CPNE3: variants seen among roughly 807,000 people sequenced by gnomAD.
CPNE3 encodes the protein copine-3.
A neutral mutation model predicts 63.9 loss-of-function variants in CPNE3; 68 were observed. The observed-to-expected ratio is 1.06, with a 90% CI of 0.87 to 1.30. The LOEUF (loss-of-function observed/expected upper bound fraction) is 1.30, where lower values mean the gene tolerates loss of function less well. Ranked by LOEUF, CPNE3 falls within the 50% of genes most tolerant of loss-of-function variation. The pLI, the probability that CPNE3 is intolerant of heterozygous loss-of-function variation, is 0.00. For synonymous variants in CPNE3, 219 were observed against 197.5 expected (o/e 1.11, Z -0.91); for missense variants, 665 against 578.1 (o/e 1.15, Z -1.54).
intron 6 of CPNE3, among the ~76,000 whole-genome samples, chr8:86,533,040 C>T (rs756872362): frequency 9.3e-5 from 14 of 149,808 alleles, no homozygotes; most frequent in Non-Finnish European, 1.8e-4. Flanking sequence ...ATCTATCTAT[C>T]TATCTATCTA....
At chr8:86,532,704 A>G in intron 6 of CPNE3, 124 bp downstream of exon 6, 1 of 782,300 alleles carries the variant, frequency 1.3e-6, no homozygotes, top group Non-Finnish European at 2.1e-6. Flanking sequence ...GTTACTTTCA[A>G]ATTTTGCATG....
chr8:86,551,768 T>G (rs1031065685), intron 14 of CPNE3, among the ~76,000 whole-genome samples: 1 of 152,192 alleles, frequency 6.6e-6, no homozygotes, highest in Admixed American at 6.5e-5. Flanking sequence ...TATAGCAGCT[T>G]TCCTCTGTGT....
intron 12 of CPNE3, 47 bp downstream of exon 12, chr8:86,548,481 C>G: frequency 1.2e-6 from 2 of 1,610,474 alleles, no homozygotes. Context: ...TCACAATTCC[C>G]CAGAAAGGGT....
intron 12 of CPNE3, 31 bp from the exon 13 acceptor site, chr8:86,551,015 A>G (rs1385574656): frequency 7.9e-6 from 12 of 1,522,076 alleles, no homozygotes; most frequent in African/African-American, 7.0e-5. Flanking sequence ...TGGAAAAAAC[A>G]GTATTTTATT....
Position 86,558,831 on chromosome 8 carries a change from C to G in CPNE3, c.*421C>G. 5.8e-6 allele frequency: 1 copy of G among 171,026 alleles called. No individual in the cohort carries two copies. The highest frequency in any genetic ancestry group is 1.3e-5 in the Non-Finnish European group (1 of 77,800). The allele number at this position is 171,026 out of a possible 1,614,324, so 10.6% of individuals were successfully genotyped here. On this transcript the variant is annotated 3_prime_UTR_variant, in exon 17 of 17. Coordinates refer to ENST00000517490, the MANE Select transcript of CPNE3 (RefSeq NM_003909.5). Reference sequence around the variant, plus strand: ...ATGTTGTATAAGCCAATGTCCATACCTGATTATGAGAGCTTCTTAAATTAT... The same window carrying G: ...ATGTTGTATAAGCCAATGTCCATACGTGATTATGAGAGCTTCTTAAATTAT...
At chr8:86,536,853 T>C (rs1451770805) in intron 6 of CPNE3, among the ~76,000 whole-genome samples, 1 of 152,220 alleles carries the variant, frequency 6.6e-6, no homozygotes, top group Non-Finnish European at 1.5e-5. Flanking sequence ...TGTATGTGTG[T>C]GGTTATGTGT....
In CPNE3 at chr8:86,558,333, C is replaced by T. The variant is rs1214628482; in HGVS notation, c.1537C>T (p.Gln513Ter). 1 of 872,942 alleles carries T rather than the reference C, an allele frequency of 1.1e-6. No homozygotes were observed. The highest frequency in any genetic ancestry group is 2.4e-5 in the East Asian group (1 of 41,688). 54.1% of individuals were successfully genotyped at this position (872,942 alleles called of 1,614,324 possible). A position where few individuals can be genotyped will look rare whatever the true frequency, so the allele number is the denominator to read the frequency against. The change falls in exon 17 of 17, where the codon CAG becomes TAG. Residue 513 changes from glutamine to a stop codon, truncating the protein, a stop_gained. Transcript: ENST00000517490. LOFTEE classifies it high-confidence loss of function. ...TCAGTGTGTCTTGGCAGAGATTCCC[C>T]AGCAGGTGGTGGGCTACTTCAATAC... ...LAQCVLAEIP[Q>*]QVVGYFNTYK...
intron 12 of CPNE3, 191 bp from the exon 13 acceptor site, chr8:86,550,855 G>A: frequency 1.8e-6 from 1 of 565,248 alleles, no homozygotes; most frequent in African/African-American, 1.9e-5. Context: ...TTCTTCCTCA[G>A]TGCACAGAAA....
At chr8:86,520,662 CTTT>C (rs113992927) in intron 2 of CPNE3, among the ~76,000 whole-genome samples, 2 of 139,980 alleles carry the variant, frequency 1.4e-5, no homozygotes. Context: ...CCAGGCATTT[CTTT>C]TTTTTTTTTT....
intron 7 of CPNE3, among the ~76,000 whole-genome samples, 172 bp downstream of exon 7, chr8:86,537,818 C>T (rs185008122): frequency 5.5e-4 from 83 of 152,130 alleles, no homozygotes; most frequent in South Asian, 1.7e-3. Flanking sequence ...GAGGTGCTAC[C>T]GTACTTTATG....
At chr8:86,521,347 T>C (rs904369624) in intron 2 of CPNE3, among the ~76,000 whole-genome samples, 1 of 152,226 alleles carries the variant, frequency 6.6e-6, no homozygotes, top group African/African-American at 2.4e-5. Context: ...GCTTTTGTTA[T>C]TCTGGTTACG....
chr8:86,544,352 T>A (rs1821004068), intron 8 of CPNE3, among the ~76,000 whole-genome samples: 1 of 152,236 alleles, frequency 6.6e-6, no homozygotes, highest in Non-Finnish European at 1.5e-5. Flanking sequence ...TTTCTCCATA[T>A]AATGGCTTTT....
chr8:86,546,816 A>G (rs992763317), intron 10 of CPNE3, 135 bp downstream of exon 10: 12 of 875,948 alleles, frequency 1.4e-5, no homozygotes, highest in Non-Finnish European at 1.9e-5. Flanking sequence ...GGTTCAAGCA[A>G]TTCTCTGCCT....
At chr8:86,557,021 A>G (rs374835154) in intron 16 of CPNE3, among the ~76,000 whole-genome samples, 25 of 152,180 alleles carry the variant, frequency 1.6e-4, no homozygotes, top group Admixed American at 9.8e-4. Context: ...ATTCCATGGT[A>G]TGGATGCACC....
intron 4 of CPNE3, among the ~76,000 whole-genome samples, chr8:86,529,918 G>T (rs1329200272): frequency 6.6e-6 from 1 of 151,932 alleles, no homozygotes; most frequent in Non-Finnish European, 1.5e-5. Context: ...TATCTCAAAA[G>T]CAATATGAAA....
chr8:86,518,853 A>G (rs188364855), intron 2 of CPNE3, among the ~76,000 whole-genome samples: 6 of 151,956 alleles, frequency 3.9e-5, no homozygotes, highest in Admixed American at 1.3e-4. Flanking sequence ...GCTCACTGCA[A>G]CCTCCACCTC....
chr8:86,529,786 T>G (rs995442742), intron 4 of CPNE3, among the ~76,000 whole-genome samples: 1 of 152,192 alleles, frequency 6.6e-6, no homozygotes, highest in Non-Finnish European at 1.5e-5. Flanking sequence ...TTGCATAGAC[T>G]GAAGAAAGTT....
At chr8:86,543,923 T>C (rs1820996344) in intron 8 of CPNE3, among the ~76,000 whole-genome samples, 1 of 152,088 alleles carries the variant, frequency 6.6e-6, no homozygotes, top group Non-Finnish European at 1.5e-5. Context: ...TTTTTCCCAT[T>C]GCAAAGAATA....
At chr8:86,541,911 A>C (rs1055885896) in intron 8 of CPNE3, among the ~76,000 whole-genome samples, 2 of 152,176 alleles carry the variant, frequency 1.3e-5, no homozygotes, top group Non-Finnish European at 2.9e-5. Context: ...TGCTTTTCAT[A>C]TTAAAAATAG....
Sources: allele counts gnomAD v4.1 joint callset (sites outside exome capture counted in the v4.1 genomes callset), GRCh38; gene constraint gnomAD v4.1.1; transcripts MANE v1.5; gene names NCBI Gene and HGNC (gene_info 2026-07-23, HGNC 2026-07-21).